NDUFS1: variants seen among roughly 807,000 people sequenced by gnomAD.
NDUFS1 encodes NADH-ubiquinone oxidoreductase 75 kDa subunit, mitochondrial.
In NDUFS1, 61 loss-of-function variants were observed where a neutral mutation model predicts 84.4. That is an observed-to-expected ratio of 0.72 (90% CI 0.59 to 0.89). The LOEUF is 0.89. Ranked by LOEUF, NDUFS1 falls within the 40% of genes least tolerant of loss-of-function variation. NDUFS1 has a pLI of 0.00. For synonymous variants in NDUFS1, 275 were observed against 290.0 expected (o/e 0.95, Z 0.53); for missense variants, 891 against 890.0 (o/e 1.00, Z -0.01).
At chr2:206,127,409 C>T (rs1041594459) in intron 16 of NDUFS1, among the ~76,000 whole-genome samples, 22 of 152,134 alleles carry the variant, frequency 1.4e-4, no homozygotes, top group African/African-American at 5.1e-4. Context: ...GTGGTACATG[C>T]GTGTAATCCC....
In NDUFS1 at chr2:206,159,423, T is replaced by C. The variant is rs1576011098; in HGVS notation, c.-87A>G. ...CTAGGAGGCCGGGTCGCTTATTCAA[T>C]ATGGCGGCCTCGGCTAACTCTGTCA... On this transcript the variant is annotated 5_prime_UTR_variant, in exon 1 of 19. It adds an upstream start codon to the 5' untranslated region. Transcript: ENST00000233190. 8.6e-6 allele frequency: 4 copies of C among 464,684 alleles called. No homozygotes were observed. The East Asian group carries it at 1.4e-4, about 16-fold the overall frequency. 28.8% of individuals were successfully genotyped at this position (464,684 alleles called of 1,614,324 possible).
At chr2:206,133,308 T>C (rs1327071722) in intron 13 of NDUFS1, among the ~76,000 whole-genome samples, 1 of 152,206 alleles carries the variant, frequency 6.6e-6, no homozygotes, top group Non-Finnish European at 1.5e-5. Flanking sequence ...CTGTGAAATA[T>C]GCCTGAGTAT....
chr2:206,124,213 T>G lies in NDUFS1; in HGVS notation c.2156A>C (p.Gln719Pro). The change falls in exon 19 of 19, where the codon CAG becomes CCG. Residue 719 changes from glutamine (Q) to proline (P), a missense_variant. Transcript: ENST00000233190. ...KCVKAVTEGA[Q>P]AVEEPSIC ...GCATATGGATGGTTCCTCTACTGCC[T>G]GGGCACCCTCTGTGACAGCTTTGAC... 6.2e-7 allele frequency: 1 copy of G among 1,613,316 alleles called. No homozygotes were observed. The highest frequency in any genetic ancestry group is 8.5e-7 in the Non-Finnish European group (1 of 1,179,254).
intron 12 of NDUFS1, among the ~76,000 whole-genome samples, chr2:206,141,436 G>T (rs927149383): frequency 6.6e-6 from 1 of 151,916 alleles, no homozygotes. Flanking sequence ...GGAGGCTGAG[G>T]CAGGAGAATG....
chr2:206,131,941 A>T (rs939433772), intron 14 of NDUFS1, among the ~76,000 whole-genome samples: 10 of 151,018 alleles, frequency 6.6e-5, no homozygotes, highest in Non-Finnish European at 1.2e-4. Flanking sequence ...TTCATCTCAA[A>T]AATAATAATA....
chr2:206,149,657 T>C (rs954813094), intron 4 of NDUFS1, 161 bp downstream of exon 4: 23 of 642,484 alleles, frequency 3.6e-5, no homozygotes, highest in South Asian at 2.7e-4. Context: ...GTTTCCAGTT[T>C]TGAAATGAAG....
chr2:206,145,273 A>C (rs1692115786), intron 8 of NDUFS1, among the ~76,000 whole-genome samples: 1 of 152,092 alleles, frequency 6.6e-6, no homozygotes, highest in South Asian at 2.1e-4. Flanking sequence ...TCCTGGGCTC[A>C]AACTATCCTC....
chr2:206,124,247 C>T lies in NDUFS1; in HGVS notation c.2122G>A (p.Ala708Thr). The stretch of plus-strand genomic sequence containing the variant: ...TCTGTGACAGCTTTGACACATTTGG[C>T]CATTGTCTGTGAGGCTCTGCTAATT... Reference protein sequence around the residue: ...DSISRASQTMAKCVKAVTEGA... With the variant: ...DSISRASQTMTKCVKAVTEGA... The change falls in exon 19 of 19, where the codon GCC becomes ACC. Residue 708 changes from alanine (A) to threonine (T), a missense_variant. Coordinates refer to ENST00000233190, the MANE Select transcript of NDUFS1 (RefSeq NM_005006.7). 1.2e-6 allele frequency: 2 copies of T among 1,613,116 alleles called. No individual in the cohort carries two copies. The highest frequency in any genetic ancestry group is 1.7e-6 in the Non-Finnish European group (2 of 1,179,198).
At chr2:206,127,667 T>C in intron 16 of NDUFS1, 130 bp downstream of exon 16, 3 of 997,096 alleles carry the variant, frequency 3.0e-6, no homozygotes, top group East Asian at 2.5e-5. Flanking sequence ...ACATGTTTTC[T>C]ATAGAAATTA....
chr2:206,144,218 A>C, intron 9 of NDUFS1, 86 bp from the exon 10 acceptor site: 1 of 995,484 alleles, frequency 1.0e-6, no homozygotes. Context: ...AATGTTATTT[A>C]AATACAGTAC....
chr2:206,116,340 CTTGT>C lies in NDUFS1; in HGVS notation c.*7841_*7844del, dbSNP rs1343328681. On this transcript the variant is annotated 3_prime_UTR_variant, in exon 19 of 19. Transcript: ENST00000233190. ...ACACTCTCCAAAGCACCAAACTCAT[CTTGT>C]TTGTTCAATTTTGTCCCAACTTCAG... is the stretch of plus-strand genomic sequence containing the variant. The C allele has an allele frequency of 5.7e-6, 5 of 883,912 alleles. No individual in the cohort carries two copies. The East Asian group carries it at 1.2e-4, about 21-fold the overall frequency. The allele number at this position is 883,912 out of a possible 1,614,324, so 54.8% of individuals were successfully genotyped here.
Position 206,115,163 on chromosome 2 carries a change from T to C in NDUFS1, c.*9022A>G, listed in dbSNP as rs945785399. 6.6e-6 allele frequency: 1 copy of C among 152,278 alleles called. No homozygotes were observed. The highest frequency in any genetic ancestry group is 1.5e-5 in the Non-Finnish European group (1 of 68,072). 9.4% of individuals were successfully genotyped at this position (152,278 alleles called of 1,614,324 possible). A position where few individuals can be genotyped will look rare whatever the true frequency, so the allele number is the denominator to read the frequency against. On this transcript the variant is annotated 3_prime_UTR_variant, in exon 19 of 19. Transcript: ENST00000233190. ...CTGATTTAGATGAGACTTTGGACTT[T>C]GACTTTAAAGTTGATGCTGGAACAA...
At chr2:206,138,315 A>C (rs1180709763) in intron 13 of NDUFS1, among the ~76,000 whole-genome samples, 170 bp downstream of exon 13, 2 of 152,220 alleles carry the variant, frequency 1.3e-5, no homozygotes, top group East Asian at 3.8e-4. Context: ...TCCTGACCTC[A>C]GGTGATCCAC....
intron 10 of NDUFS1, 78 bp from the exon 11 acceptor site, chr2:206,142,909 C>T: frequency 1.3e-6 from 2 of 1,564,324 alleles, no homozygotes; most frequent in Non-Finnish European, 1.7e-6. Flanking sequence ...GAAAATAAAA[C>T]AGTACTTGTT....
chr2:206,132,438 TG>T (rs1691549033), intron 14 of NDUFS1, among the ~76,000 whole-genome samples: 1 of 152,032 alleles, frequency 6.6e-6, no homozygotes, highest in South Asian at 2.1e-4. Flanking sequence ...AAAAATTAGC[TG>T]GGCATGTGGC....
intron 8 of NDUFS1, among the ~76,000 whole-genome samples, chr2:206,145,651 T>C (rs1313507674): frequency 1.3e-5 from 2 of 152,136 alleles, no homozygotes; most frequent in Admixed American, 6.6e-5. Context: ...TTCAGCAGTT[T>C]AGAAATCTAA....
rs372021145 is a variant in NDUFS1 at position 206,149,001 on chromosome 2, T to C, written c.338+19A>G. On this transcript the variant is annotated intron_variant, in intron 5 of 18. Coordinates refer to ENST00000233190, the MANE Select transcript of NDUFS1 (RefSeq NM_005006.7). ...TTCTGCTTTATGAAAGGGTACTACA[T>C]TGAATAACAATAAAGTACCTGGCTT... The C allele has an allele frequency of 1.7e-5, 27 of 1,570,938 alleles. No homozygotes were observed. Among genetic ancestry groups the C allele is most frequent in the South Asian group, 2.2e-5 (2 of 90,098 alleles).
Position 206,121,394 on chromosome 2 carries a change from A to T in NDUFS1, c.*2791T>A, listed in dbSNP as rs986282753. 6.6e-6 allele frequency: 1 copy of T among 152,168 alleles called. No individual in the cohort carries two copies. The highest frequency in any genetic ancestry group is 2.4e-5 in the African/African-American group (1 of 41,442). The allele number at this position is 152,168 out of a possible 1,614,324, so 9.4% of individuals were successfully genotyped here. ...CTTAGTATTTGGCATTACGACACTA[A>T]TATGTGCCCATGAGACAGACGGAGC... On this transcript the variant is annotated 3_prime_UTR_variant, in exon 19 of 19. Transcript: ENST00000233190.
chr2:206,141,750 C>G (rs1202916018), intron 12 of NDUFS1, among the ~76,000 whole-genome samples, 191 bp downstream of exon 12: 1 of 149,876 alleles, frequency 6.7e-6, no homozygotes, highest in Non-Finnish European at 1.5e-5. Context: ...GAGCCGAGAT[C>G]CTGCCACTGC....
Sources: gnomAD v4.1 joint callset for allele counts (sites outside exome capture counted in the v4.1 genomes callset) on GRCh38, gnomAD v4.1.1 for gene constraint, MANE v1.5 for transcripts, NCBI Gene and HGNC (gene_info 2026-07-23, HGNC 2026-07-21) for gene names.